UNC5C: variants seen among roughly 807,000 people sequenced by gnomAD.
UNC5C encodes the protein netrin receptor UNC5C.
Under a neutral mutation model 99.8 loss-of-function variants are expected in UNC5C, and 47 were observed. The observed-to-expected ratio is 0.47, with a 90% CI of 0.37 to 0.60. The LOEUF (loss-of-function observed/expected upper bound fraction) is 0.60, where lower values mean the gene tolerates loss of function less well. Among genes scored for constraint, UNC5C ranks in the 20% least tolerant of loss-of-function variants. UNC5C has a pLI of 0.00. For missense variants in UNC5C, 1,062 were observed against 1,165.9 expected (o/e 0.91, Z 1.30); for synonymous variants, 487 against 452.2 (o/e 1.08, Z -0.98).
At chr4:95,467,386 A>G (rs1272299024) in intron 1 of UNC5C, among the ~76,000 whole-genome samples, 2 of 152,190 alleles carry the variant, frequency 1.3e-5, no homozygotes, top group Non-Finnish European at 2.9e-5. Context: ...AGAGAGAAAC[A>G]TATAAAGATC....
chr4:95,335,667 C>T (rs1457391595), intron 1 of UNC5C, 36 bp from the exon 2 acceptor site: 3 of 1,530,032 alleles, frequency 2.0e-6, no homozygotes, highest in Non-Finnish European at 1.8e-6. Flanking sequence ...ATGGTTAACA[C>T]ATTGTAACAA....
intron 5 of UNC5C, among the ~76,000 whole-genome samples, chr4:95,247,008 C>T (rs983780368): frequency 2.0e-4 from 31 of 151,374 alleles, no homozygotes; most frequent in African/African-American, 7.0e-4. Flanking sequence ...GCCACTGCAC[C>T]CTAGCCTGGG....
intron 11 of UNC5C, among the ~76,000 whole-genome samples, chr4:95,206,087 G>A (rs1030518264): frequency 1.3e-4 from 20 of 150,158 alleles, no homozygotes; most frequent in Non-Finnish European, 2.8e-4. Flanking sequence ...TGCAACCTCC[G>A]CCTCCCGGGT....
intron 1 of UNC5C, among the ~76,000 whole-genome samples, chr4:95,463,794 T>C (rs1747681731): frequency 6.6e-6 from 1 of 152,166 alleles, no homozygotes; most frequent in Admixed American, 6.5e-5. Flanking sequence ...ACCTACTGTA[T>C]TGGGTACTCC....
At chr4:95,492,624 T>A (rs1485608) in intron 1 of UNC5C, among the ~76,000 whole-genome samples, 54,040 of 151,026 alleles carry the variant, frequency 0.36, 10,680 homozygotes, top group South Asian at 0.47. Flanking sequence ...ATGTAATAAT[T>A]CCACACAAAA....
At chr4:95,364,930 T>C (rs1029568827) in intron 1 of UNC5C, among the ~76,000 whole-genome samples, 3 of 152,054 alleles carry the variant, frequency 2.0e-5, no homozygotes, top group Non-Finnish European at 4.4e-5. Flanking sequence ...AAGGACACCA[T>C]AAGCAAAACA....
chr4:95,300,550 C>T (rs548562574), intron 3 of UNC5C, among the ~76,000 whole-genome samples: 14 of 152,074 alleles, frequency 9.2e-5, no homozygotes, highest in East Asian at 5.8e-4. Context: ...AACAGGAAAA[C>T]GACTCAACTT....
chr4:95,298,229 C>T (rs1741735617), intron 3 of UNC5C, among the ~76,000 whole-genome samples: 1 of 152,114 alleles, frequency 6.6e-6, no homozygotes. Context: ...GTAGAATCAC[C>T]TGAGCCTGCG....
chr4:95,288,073 T>TATTTATTTATTTA (rs1313807367), intron 3 of UNC5C, among the ~76,000 whole-genome samples: 2 of 150,054 alleles, frequency 1.3e-5, no homozygotes, highest in African/African-American at 2.5e-5. Context: ...ATTATTTATT[T>TATTTATTTATTTA]ATTTATTTAT....
chr4:95,223,053 C>A (rs1052685624), intron 7 of UNC5C, among the ~76,000 whole-genome samples: 1 of 152,126 alleles, frequency 6.6e-6, no homozygotes, highest in Non-Finnish European at 1.5e-5. Flanking sequence ...CATTTTATTT[C>A]TCTTCCTTTT....
At chr4:95,271,533 C>T (rs543099688) in intron 4 of UNC5C, among the ~76,000 whole-genome samples, 2 of 152,140 alleles carry the variant, frequency 1.3e-5, no homozygotes, top group African/African-American at 2.4e-5. Context: ...CCGGCCACAG[C>T]TGAGGTTTAT....
intron 1 of UNC5C, among the ~76,000 whole-genome samples, chr4:95,338,275 TA>T (rs1387799803): frequency 2.0e-5 from 3 of 152,234 alleles, no homozygotes; most frequent in Admixed American, 6.6e-5. Flanking sequence ...GTTTCAGCAT[TA>T]ATTCTCAGAT....
intron 1 of UNC5C, among the ~76,000 whole-genome samples, chr4:95,523,945 A>G (rs186910311): frequency 2.6e-5 from 4 of 152,300 alleles, no homozygotes; most frequent in Non-Finnish European, 5.9e-5. Flanking sequence ...TGTCAGCCCA[A>G]GTAGAAGCCA....
chr4:95,433,769 G>A (rs1249925349), intron 1 of UNC5C, among the ~76,000 whole-genome samples: 1 of 151,936 alleles, frequency 6.6e-6, no homozygotes, highest in Non-Finnish European at 1.5e-5. Flanking sequence ...ACTCATCTCA[G>A]TTAAAATCCA....
intron 1 of UNC5C, among the ~76,000 whole-genome samples, chr4:95,504,911 T>C (rs1304137407): frequency 6.6e-6 from 1 of 152,104 alleles, no homozygotes; most frequent in Non-Finnish European, 1.5e-5. Flanking sequence ...TTAATTTTTA[T>C]TTTTTATACA....
At chr4:95,333,716 T>C (rs903155278) in intron 2 of UNC5C, among the ~76,000 whole-genome samples, 4 of 152,134 alleles carry the variant, frequency 2.6e-5, no homozygotes, top group Non-Finnish European at 5.9e-5. Flanking sequence ...AAACTTAAAG[T>C]ATAATAATAA....
chr4:95,385,846 C>T (rs1381716468), intron 1 of UNC5C, among the ~76,000 whole-genome samples: 1 of 152,116 alleles, frequency 6.6e-6, no homozygotes, highest in South Asian at 2.1e-4. Context: ...GAATTCTTCT[C>T]TTTGGTGATA....
At chr4:95,328,040 C>CTTTTTTTT (rs34794058) in intron 2 of UNC5C, among the ~76,000 whole-genome samples, 11 of 87,080 alleles carry the variant, frequency 1.3e-4, no homozygotes, top group Non-Finnish European at 1.5e-4. Context: ...CAGGCAACTT[C>CTTTTTTTT]TTTTTTTTTT....
intron 1 of UNC5C, among the ~76,000 whole-genome samples, chr4:95,409,621 G>C (rs544812799): frequency 6.6e-6 from 1 of 152,046 alleles, no homozygotes; most frequent in Non-Finnish European, 1.5e-5. Context: ...GTGAAGGTGG[G>C]CACAATTTTT....
Sources: allele counts gnomAD v4.1 joint callset (sites outside exome capture counted in the v4.1 genomes callset), GRCh38; gene constraint gnomAD v4.1.1; transcripts MANE v1.5; gene names NCBI Gene and HGNC (gene_info 2026-07-23, HGNC 2026-07-21).